DLGAP1: variants seen among roughly 807,000 people sequenced by gnomAD.
The protein encoded by DLGAP1 is DLG associated protein 1, also known as disks large-associated protein 1.
DLGAP1 carries 11 observed loss-of-function variants against 90.8 expected under a neutral mutation model. The ratio of observed to expected loss-of-function variants is 0.12; its 90% CI spans 0.08 to 0.20. DLGAP1 has a LOEUF of 0.20. DLGAP1 is among the 10% of genes least tolerant of loss of function. DLGAP1 has a pLI of 1.00. For missense variants in DLGAP1, 1,050 were observed against 1,333.8 expected (o/e 0.79, Z 3.31); for synonymous variants, 558 against 540.7 (o/e 1.03, Z -0.44).
intron 1 of DLGAP1, among the ~76,000 whole-genome samples, chr18:4,270,481 G>T (rs1598774071): frequency 6.6e-6 from 1 of 152,078 alleles, no homozygotes; most frequent in East Asian, 1.9e-4. Flanking sequence ...CTTTTCACGA[G>T]AATAATTAAT....
intron 1 of DLGAP1, among the ~76,000 whole-genome samples, chr18:4,218,876 CTGAT>C (rs1415294596): frequency 2.0e-5 from 3 of 151,764 alleles, no homozygotes; most frequent in African/African-American, 7.3e-5. Context: ...CATTAACCCA[CTGAT>C]TGACACTTAG....
At chr18:4,245,173 C>T (rs1598713835) in intron 1 of DLGAP1, among the ~76,000 whole-genome samples, 1 of 152,112 alleles carries the variant, frequency 6.6e-6, no homozygotes, top group African/African-American at 2.4e-5. Context: ...TGTACATTTG[C>T]TTAGGAAAGT....
At chr18:3,720,623 C>T (rs1467589724) in intron 7 of DLGAP1, among the ~76,000 whole-genome samples, 1 of 152,056 alleles carries the variant, frequency 6.6e-6, no homozygotes, top group Non-Finnish European at 1.5e-5. Context: ...GCAGCATTGT[C>T]CAACTGCCAG....
chr18:4,360,199 C>A (rs549786958), intron 1 of DLGAP1, among the ~76,000 whole-genome samples: 1 of 152,208 alleles, frequency 6.6e-6, no homozygotes, highest in South Asian at 2.1e-4. Flanking sequence ...GATAGAGCTC[C>A]AAGAAGTGTG....
chr18:3,758,431 T>C (rs1484818213), intron 5 of DLGAP1, among the ~76,000 whole-genome samples: 1 of 152,204 alleles, frequency 6.6e-6, no homozygotes, highest in Non-Finnish European at 1.5e-5. Flanking sequence ...AGTGAATCTC[T>C]TGATGATATT....
At chr18:4,048,397 C>T (rs188942601) in intron 2 of DLGAP1, among the ~76,000 whole-genome samples, 2 of 152,230 alleles carry the variant, frequency 1.3e-5, no homozygotes, top group Non-Finnish European at 2.9e-5. Flanking sequence ...CATATTGATT[C>T]TAAATTACTT....
At chr18:4,064,565 C>T (rs538574310) in intron 2 of DLGAP1, among the ~76,000 whole-genome samples, 2 of 152,164 alleles carry the variant, frequency 1.3e-5, no homozygotes, top group South Asian at 2.1e-4. Flanking sequence ...ATTATGAACA[C>T]CTTTATGCAC....
chr18:3,520,211 G>A (rs577581588), intron 10 of DLGAP1, among the ~76,000 whole-genome samples: 1 of 151,340 alleles, frequency 6.6e-6, no homozygotes, highest in Admixed American at 6.6e-5. Context: ...TCCCATCTAC[G>A]TGTGTCCTTG....
chr18:4,400,449 T>C (rs1304659256), intron 1 of DLGAP1, among the ~76,000 whole-genome samples: 1 of 152,250 alleles, frequency 6.6e-6, no homozygotes, highest in Non-Finnish European at 1.5e-5. Context: ...GGGCAGATGA[T>C]GCCTGGGCCA....
chr18:3,580,742 C>G, intron 8 of DLGAP1: 1 of 1,613,602 alleles, frequency 6.2e-7, no homozygotes, highest in Non-Finnish European at 8.5e-7. Context: ...CAGCCACGCA[C>G]CATCCCCTCA....
chr18:4,382,878 G>A (rs2082158267), intron 1 of DLGAP1, among the ~76,000 whole-genome samples: 2 of 152,116 alleles, frequency 1.3e-5, no homozygotes, highest in Non-Finnish European at 2.9e-5. Context: ...ACACGAATTT[G>A]ACCCTGCAGT....
Position 3,977,434 on chromosome 18 carries a change from G to GTTTTTTTTT in DLGAP1, c.-73+27673_-73+27681dup, listed in dbSNP as rs58599574. 1.5e-3 allele frequency among the ~76,000 whole-genome samples: 139 copies of GTTTTTTTTT among 95,314 alleles called. 1 individual carries two copies. Among genetic ancestry groups the GTTTTTTTTT allele is most frequent in the African/African-American group, 3.5e-3 (85 of 23,960 alleles). The allele number at this position is 95,314 out of a possible 152,430, so 62.5% of individuals were successfully genotyped here. A position where few individuals can be genotyped will look rare whatever the true frequency, so the allele number is the denominator to read the frequency against. On this transcript the variant is annotated intron_variant, in intron 3 of 12. Transcript: ENST00000315677. ...AGTTAATGAATTATGTTTATTCTGT[G>GTTTTTTTTT]TTTTTTTTTTTTTTTTTTTTGCTGA...
chr18:4,302,098 A>G (rs1043619239), intron 1 of DLGAP1, among the ~76,000 whole-genome samples: 1 of 152,160 alleles, frequency 6.6e-6, no homozygotes, highest in Non-Finnish European at 1.5e-5. Context: ...ATATCTCCTC[A>G]GTCTGTACAT....
At chr18:4,319,083 T>C (rs574697704) in intron 1 of DLGAP1, among the ~76,000 whole-genome samples, 1 of 152,342 alleles carries the variant, frequency 6.6e-6, no homozygotes, top group African/African-American at 2.4e-5. Context: ...AATGTATACA[T>C]ATATCAAAGC....
chr18:4,186,043 GT>G (rs2077288797), intron 1 of DLGAP1, among the ~76,000 whole-genome samples: 1 of 151,514 alleles, frequency 6.6e-6, no homozygotes, highest in African/African-American at 2.4e-5. Context: ...GTGATATTGA[GT>G]TTTTTTCATC....
intron 1 of DLGAP1, among the ~76,000 whole-genome samples, chr18:4,413,141 G>A (rs1044352619): frequency 6.6e-5 from 10 of 152,084 alleles, no homozygotes; most frequent in Non-Finnish European, 8.8e-5. Flanking sequence ...ACTTTACCTC[G>A]TTATCCATCT....
At chr18:4,104,699 A>T (rs1385123512) in intron 2 of DLGAP1, among the ~76,000 whole-genome samples, 1 of 152,162 alleles carries the variant, frequency 6.6e-6, no homozygotes. Context: ...TATAGTATAC[A>T]TCTCTTCTCT....
chr18:4,348,155 AG>A (rs1040074345), intron 1 of DLGAP1, among the ~76,000 whole-genome samples: 47 of 152,226 alleles, frequency 3.1e-4, no homozygotes, highest in African/African-American at 1.0e-3. Flanking sequence ...GTCTGATTAA[AG>A]GTTTGTTTTT....
intron 3 of DLGAP1, among the ~76,000 whole-genome samples, chr18:3,979,347 C>T (rs904616691): frequency 6.6e-6 from 1 of 152,204 alleles, no homozygotes; most frequent in Non-Finnish European, 1.5e-5. Context: ...TAGCAATGTG[C>T]TATACCATAT....
Sources: gnomAD v4.1 joint callset for allele counts (sites outside exome capture counted in the v4.1 genomes callset) on GRCh38, gnomAD v4.1.1 for gene constraint, MANE v1.5 for transcripts, NCBI Gene and HGNC (gene_info 2026-07-23, HGNC 2026-07-21) for gene names.